GSG1L: variants seen among roughly 807,000 people sequenced by gnomAD.
GSG1L encodes the protein germ cell-specific gene 1-like protein.
Under a neutral mutation model 42.1 loss-of-function variants are expected in GSG1L, and 24 were observed. That is an observed-to-expected ratio of 0.57 (90% CI 0.41 to 0.80). The LOEUF is 0.80. Among genes scored for constraint, GSG1L ranks in the 30% least tolerant of loss-of-function variants. The pLI, the probability that GSG1L is intolerant of heterozygous loss-of-function variation, is 0.00. For synonymous variants in GSG1L, 215 were observed against 203.5 expected, an observed-to-expected ratio of 1.06 and a Z score of -0.48; for missense variants, 445 against 472.2, an observed-to-expected ratio of 0.94 and a Z score of 0.53.
intron 1 of GSG1L, among the ~76,000 whole-genome samples, chr16:28,047,126 A>C (rs1449444551): frequency 6.6e-6 from 1 of 152,204 alleles, no homozygotes; most frequent in African/African-American, 2.4e-5. Context: ...AAACGGGGAA[A>C]GTTTACGAAA....
At chr16:27,809,211 A>G (rs1221892577) in intron 5 of GSG1L, among the ~76,000 whole-genome samples, 2 of 152,056 alleles carry the variant, frequency 1.3e-5, no homozygotes, top group African/African-American at 2.4e-5. Context: ...CAGGCAACAT[A>G]GCAAGACCCT....
intron 1 of GSG1L, among the ~76,000 whole-genome samples, chr16:28,047,453 G>A (rs546218974): frequency 6.6e-6 from 1 of 151,694 alleles, no homozygotes; most frequent in Admixed American, 6.6e-5. Context: ...AGTGAAAGAA[G>A]TGAGGCCAAG....
At chr16:27,830,370 C>T (rs1401634160) in intron 4 of GSG1L, among the ~76,000 whole-genome samples, 2 of 152,132 alleles carry the variant, frequency 1.3e-5, no homozygotes, top group East Asian at 1.9e-4. Context: ...CCTGCATTCC[C>T]CATGGTCAAT....
intron 2 of GSG1L, among the ~76,000 whole-genome samples, chr16:27,914,976 C>T (rs1045279334): frequency 1.3e-5 from 2 of 151,994 alleles, no homozygotes; most frequent in Non-Finnish European, 2.9e-5. Flanking sequence ...GATTACTGCT[C>T]CCATGTCATT....
chr16:27,992,586 C>T (rs935412146), intron 1 of GSG1L, among the ~76,000 whole-genome samples: 44 of 152,156 alleles, frequency 2.9e-4, no homozygotes, highest in Admixed American at 8.5e-4. Context: ...TACTAAGTTC[C>T]TATTAAATTT....
chr16:27,854,741 C>T (rs761086471), intron 3 of GSG1L, among the ~76,000 whole-genome samples: 2 of 152,176 alleles, frequency 1.3e-5, no homozygotes, highest in Non-Finnish European at 2.9e-5. Context: ...GCCTCTTCAC[C>T]TGGACTGAGC....
At chr16:27,824,456 G>T (rs1038326518) in intron 5 of GSG1L, among the ~76,000 whole-genome samples, 4 of 151,944 alleles carry the variant, frequency 2.6e-5, no homozygotes, top group South Asian at 2.1e-4. Context: ...CAAGGATGCT[G>T]GCCACTGTAA....
chr16:28,056,952 T>A (rs1256970337), intron 1 of GSG1L, among the ~76,000 whole-genome samples: 1 of 152,012 alleles, frequency 6.6e-6, no homozygotes, highest in African/African-American at 2.4e-5. Flanking sequence ...CTGGAGGACA[T>A]TTGAGCAGAG....
intron 2 of GSG1L, among the ~76,000 whole-genome samples, chr16:27,921,110 T>C (rs1384798788): frequency 6.6e-6 from 1 of 152,116 alleles, no homozygotes; most frequent in Non-Finnish European, 1.5e-5. Flanking sequence ...TCCAGTTATA[T>C]CACTCCCCTG....
At chr16:27,930,189 C>G (rs991537613) in intron 2 of GSG1L, among the ~76,000 whole-genome samples, 1 of 152,006 alleles carries the variant, frequency 6.6e-6, no homozygotes, top group Admixed American at 6.6e-5. Flanking sequence ...TCCATAACCT[C>G]AACGCCTTCA....
intron 5 of GSG1L, among the ~76,000 whole-genome samples, chr16:27,810,746 G>A (rs1034498397): frequency 1.5e-4 from 22 of 151,680 alleles, no homozygotes; most frequent in Non-Finnish European, 2.5e-4. Context: ...GGAGTGCAGT[G>A]GTGCGATCTC....
At chr16:27,898,229 C>G (rs956337180) in intron 2 of GSG1L, among the ~76,000 whole-genome samples, 1 of 152,140 alleles carries the variant, frequency 6.6e-6, no homozygotes, top group East Asian at 1.9e-4. Context: ...GAATTCAGCA[C>G]CTGACTTTGA....
At chr16:27,809,340 C>A (rs1597464732) in intron 5 of GSG1L, among the ~76,000 whole-genome samples, 1 of 151,892 alleles carries the variant, frequency 6.6e-6, no homozygotes, top group East Asian at 1.9e-4. Flanking sequence ...GAGATCAAGG[C>A]TGCAGTGAGC....
chr16:28,063,544 T>TCGG lies in GSG1L; in HGVS notation c.-123_-121dup, dbSNP rs1438657673. On this transcript the variant is annotated 5_prime_UTR_variant, in exon 1 of 7. Coordinates refer to ENST00000447459, the MANE Select transcript of GSG1L (RefSeq NM_001109763.2). This position sits in a 1 kb window ranked among gnomAD's most constrained non-coding sequence, Gnocchi z 5.8. ...CGCCCCGGGGCTCGGGTGCCTGAGA[T>TCGG]CGGCGGCGGCGGACGCGGCGCGGGC... 1 of 445,212 alleles carries TCGG rather than the reference T, an allele frequency of 2.2e-6. No individual in the cohort carries two copies. Among genetic ancestry groups the TCGG allele is most frequent in the South Asian group, 9.2e-5 (1 of 10,912 alleles). The allele number at this position is 445,212 out of a possible 1,614,324, so 27.6% of individuals were successfully genotyped here. A position where few individuals can be genotyped will look rare whatever the true frequency, so the allele number is the denominator to read the frequency against.
Position 28,059,662 on chromosome 16 carries a change from A to G in GSG1L, c.349+3414T>C, listed in dbSNP as rs1187646744. Among the ~76,000 whole-genome samples, 1 of 151,528 alleles carries G rather than the reference A, an allele frequency of 6.6e-6. No homozygotes were observed. The highest frequency in any genetic ancestry group is 1.5e-5 in the Non-Finnish European group (1 of 67,894). ...AGGCCTCTCCTCAGCCACCCCCACCACACTGACTAGAACGATGCTTGCTTC... is the reference window on the plus strand; with the variant it reads ...AGGCCTCTCCTCAGCCACCCCCACCGCACTGACTAGAACGATGCTTGCTTC... On this transcript the variant is annotated intron_variant, in intron 1 of 6. Transcript: ENST00000447459. This position sits in a 1 kb window ranked among gnomAD's most constrained non-coding sequence, Gnocchi z 4.4.
intron 1 of GSG1L, among the ~76,000 whole-genome samples, chr16:28,007,151 G>A (rs2085650151): frequency 6.6e-6 from 1 of 152,172 alleles, no homozygotes; most frequent in African/African-American, 2.4e-5. Context: ...TGGCAAAAGG[G>A]ACTCTGCTGG....
At chr16:28,004,971 G>A (rs2085622898) in intron 1 of GSG1L, among the ~76,000 whole-genome samples, 1 of 152,150 alleles carries the variant, frequency 6.6e-6, no homozygotes, top group Admixed American at 6.5e-5. Flanking sequence ...AGTCTGCTAG[G>A]ACTGCCATAA....
At chr16:28,003,962 A>G (rs1169731197) in intron 1 of GSG1L, among the ~76,000 whole-genome samples, 1 of 152,238 alleles carries the variant, frequency 6.6e-6, no homozygotes, top group Non-Finnish European at 1.5e-5. Context: ...GAGCAGAAAA[A>G]GAAGAGTCAG....
At chr16:27,879,770 A>C (rs1458703370) in intron 3 of GSG1L, among the ~76,000 whole-genome samples, 2 of 151,748 alleles carry the variant, frequency 1.3e-5, no homozygotes, top group East Asian at 3.9e-4. Flanking sequence ...ATTGTTATTA[A>C]ATTTGTATTA....
Sources: gnomAD v4.1 joint callset for allele counts (sites outside exome capture counted in the v4.1 genomes callset) on GRCh38, gnomAD v4.1.1 for gene constraint, Gnocchi (gnomAD v3.1) non-coding constraint, MANE v1.5 for transcripts, NCBI Gene and HGNC (gene_info 2026-07-23, HGNC 2026-07-21) for gene names.